GAREM1: variants seen among roughly 807,000 people sequenced by gnomAD.
GAREM1 encodes the protein GRB2-associated and regulator of MAPK protein 1.
A neutral mutation model predicts 71.3 loss-of-function variants in GAREM1; 26 were observed. The observed-to-expected ratio is 0.36, with a 90% CI of 0.27 to 0.51. GAREM1 has a LOEUF of 0.51. GAREM1 is among the 20% of genes least tolerant of loss of function. The pLI, the probability that GAREM1 is intolerant of heterozygous loss-of-function variation, is 0.95. For synonymous variants in GAREM1, 440 were observed against 433.2 expected (o/e 1.02, Z -0.20); for missense variants, 1,026 against 1,103.1 (o/e 0.93, Z 0.99).
intron 1 of GAREM1, among the ~76,000 whole-genome samples, chr18:32,450,885 A>T (rs1159830592): frequency 6.6e-6 from 1 of 152,064 alleles, no homozygotes; most frequent in Non-Finnish European, 1.5e-5. Context: ...TTTCCTCAAC[A>T]GCTGTGGTAA....
intron 2 of GAREM1, among the ~76,000 whole-genome samples, chr18:32,336,221 G>C (rs1323526013): frequency 1.3e-5 from 2 of 152,064 alleles, no homozygotes; most frequent in African/African-American, 2.4e-5. Flanking sequence ...ATGAGGTCAG[G>C]AGATCGAGAC....
intron 1 of GAREM1, among the ~76,000 whole-genome samples, chr18:32,438,131 G>A (rs2144269016): frequency 6.6e-6 from 1 of 152,246 alleles, no homozygotes; most frequent in Admixed American, 6.5e-5. Context: ...TACTTGGAAA[G>A]GAACAAACTT....
At chr18:32,463,242 T>C (rs1200014550) in intron 1 of GAREM1, among the ~76,000 whole-genome samples, 2 of 152,198 alleles carry the variant, frequency 1.3e-5, no homozygotes, top group African/African-American at 4.8e-5. Context: ...AGTTATACTT[T>C]TTAACTAGTA....
Position 32,267,797 on chromosome 18 carries a change from A to C in GAREM1, c.*74T>G, listed in dbSNP as rs985255860. ...GAAGGTTTTTAGTGCAAAAACATGA[A>C]ATTGTGTCCCAGCCCACCCCTTCTA... is the stretch of plus-strand genomic sequence containing the variant. On this transcript the variant is annotated 3_prime_UTR_variant, in exon 6 of 6. Transcript: ENST00000269209. The C allele has an allele frequency of 1.2e-5, 15 of 1,248,844 alleles. No individual in the cohort carries two copies. The highest frequency in any genetic ancestry group is 1.7e-5 in the Non-Finnish European group (15 of 893,236). The allele number at this position is 1,248,844 out of a possible 1,614,324, so 77.4% of individuals were successfully genotyped here.
At chr18:32,420,661 A>C (rs902074811) in intron 1 of GAREM1, among the ~76,000 whole-genome samples, 7 of 151,858 alleles carry the variant, frequency 4.6e-5, no homozygotes, top group Admixed American at 4.6e-4. Context: ...CCTGTATTCC[A>C]ATGTTTTAGG....
intron 2 of GAREM1, among the ~76,000 whole-genome samples, chr18:32,317,897 T>C (rs890911608): frequency 6.6e-6 from 1 of 151,346 alleles, no homozygotes; most frequent in African/African-American, 2.5e-5. Context: ...ATGACACATA[T>C]TCCCACAATC....
intron 2 of GAREM1, among the ~76,000 whole-genome samples, chr18:32,385,080 C>A (rs1247954652): frequency 6.6e-6 from 1 of 152,024 alleles, no homozygotes; most frequent in African/African-American, 2.4e-5. Context: ...TTTTCTGAAT[C>A]ATTTCCCTTA....
At chr18:32,469,486 C>T (rs1282902910) in intron 1 of GAREM1, among the ~76,000 whole-genome samples, 1 of 152,212 alleles carries the variant, frequency 6.6e-6, no homozygotes, top group Admixed American at 6.5e-5. Context: ...TGCCACCTTA[C>T]GTGTCATCAC....
At chr18:32,350,594 A>G (rs1384467927) in intron 2 of GAREM1, among the ~76,000 whole-genome samples, 1 of 151,904 alleles carries the variant, frequency 6.6e-6, no homozygotes, top group Admixed American at 6.6e-5. Context: ...TAAAAACAAG[A>G]CCCCTTCTCT....
At chr18:32,277,104 A>T (rs1008883995) in intron 4 of GAREM1, among the ~76,000 whole-genome samples, 1 of 152,204 alleles carries the variant, frequency 6.6e-6, no homozygotes, top group South Asian at 2.1e-4. Flanking sequence ...GGCGTGAGTC[A>T]AGTGAGGGGG....
Position 32,279,939 on chromosome 18 carries a change from A to G in GAREM1, c.1566+7092T>C, listed in dbSNP as rs2041592286. On this transcript the variant is annotated intron_variant, in intron 4 of 5. Transcript: ENST00000269209. ...TTAGTTTCAAAGTTATCAAAACACAATAATAATTTAGTCCTTATTTCAATT... is the reference window on the plus strand; with the variant it reads ...TTAGTTTCAAAGTTATCAAAACACAGTAATAATTTAGTCCTTATTTCAATT... Among the ~76,000 whole-genome samples, 3 of 152,212 alleles carry G rather than the reference A, an allele frequency of 2.0e-5. No homozygotes were observed. The South Asian group carries it at 6.2e-4, about 32-fold the overall frequency.
chr18:32,367,898 C>T (rs575294797), intron 2 of GAREM1, among the ~76,000 whole-genome samples: 4 of 152,252 alleles, frequency 2.6e-5, no homozygotes, highest in Admixed American at 2.0e-4. Context: ...GGGAGAAGGG[C>T]GTTCCTGAGA....
intron 3 of GAREM1, among the ~76,000 whole-genome samples, chr18:32,295,218 C>T (rs1034298737): frequency 2.0e-5 from 3 of 151,910 alleles, no homozygotes; most frequent in Non-Finnish European, 4.4e-5. Context: ...GAGTGAGCCA[C>T]GTGCCTGGCC....
In GAREM1 at chr18:32,430,101, T is replaced by A. The variant is rs549001947; in HGVS notation, c.122-37066A>T. 5.3e-5 allele frequency among the ~76,000 whole-genome samples: 8 copies of A among 152,236 alleles called. No homozygotes were observed. The East Asian group carries it at 1.4e-3, about 26-fold the overall frequency. On this transcript the variant is annotated intron_variant, in intron 1 of 5. Transcript: ENST00000269209. ...TCAGTGGGATCAAAGCGAGGGGTGGTAAGTGGAAGAAACAATTAACACTGA... is the reference window on the plus strand; with the variant it reads ...TCAGTGGGATCAAAGCGAGGGGTGGAAAGTGGAAGAAACAATTAACACTGA...
intron 3 of GAREM1, among the ~76,000 whole-genome samples, chr18:32,290,717 T>C (rs1391843451): frequency 4.6e-5 from 7 of 152,094 alleles, no homozygotes; most frequent in Non-Finnish European, 1.0e-4. Context: ...ACAATGGCTT[T>C]CAAACCTATG....
chr18:32,333,115 A>AG (rs145629797), intron 2 of GAREM1, among the ~76,000 whole-genome samples: 14,241 of 151,694 alleles, frequency 0.094, 698 homozygotes, highest in South Asian at 0.12. Flanking sequence ...AGGAGATGAC[A>AG]GGGAAGCCAG....
At position 32,299,658 on chromosome 18, in the gene GAREM1, A is replaced by T. The variant is rs2047180830; in HGVS notation, c.393+10535T>A. Among the ~76,000 whole-genome samples, 2 of 152,134 alleles carry T rather than the reference A, an allele frequency of 1.3e-5. 1 individual carries two copies. The highest frequency in any genetic ancestry group is 4.1e-4 in the South Asian group (2 of 4,824). Reference sequence around the variant, plus strand: ...TCTGGAATATAGCCAAGAACAAGGCAGTGAGCTAACCAAAATGATGGGATG... The same window carrying T: ...TCTGGAATATAGCCAAGAACAAGGCTGTGAGCTAACCAAAATGATGGGATG... On this transcript the variant is annotated intron_variant, in intron 3 of 5. Transcript: ENST00000269209.
At chr18:32,355,373 T>G (rs1052077490) in intron 2 of GAREM1, among the ~76,000 whole-genome samples, 1 of 152,102 alleles carries the variant, frequency 6.6e-6, no homozygotes, top group Admixed American at 6.6e-5. Context: ...TTGTGAAAGG[T>G]TTTTTGCATA....
intron 1 of GAREM1, among the ~76,000 whole-genome samples, chr18:32,396,546 A>C (rs2048258144): frequency 6.6e-6 from 1 of 152,238 alleles, no homozygotes; most frequent in South Asian, 2.1e-4. Context: ...AACTGGAAGA[A>C]AGGGTATCAG....
Sources: allele counts gnomAD v4.1 joint callset (sites outside exome capture counted in the v4.1 genomes callset), GRCh38; gene constraint gnomAD v4.1.1; transcripts MANE v1.5; gene names NCBI Gene and HGNC (gene_info 2026-07-23, HGNC 2026-07-21).